The following RGPD8 variants were observed in gnomAD, a reference collection of about 807,000 sequenced individuals.
The protein encoded by RGPD8 is RANBP2 like and GRIP domain containing 8, also known as RANBP2-like and GRIP domain-containing protein 8.
RGPD8 carries 15 observed loss-of-function variants against 89.1 expected under a neutral mutation model. The ratio of observed to expected loss-of-function variants is 0.17; its 90% CI spans 0.11 to 0.26. RGPD8 has a LOEUF of 0.26. Among genes scored for constraint, RGPD8 ranks in the 10% least tolerant of loss-of-function variants. RGPD8 has a pLI of 1.00. For synonymous variants in RGPD8, 62 were observed against 420.9 expected (o/e 0.15, Z 10.44); for missense variants, 178 against 1,179.6 (o/e 0.15, Z 12.44).
At chr2:112,408,856 G>C in intron 7 of RGPD8, among the ~76,000 whole-genome samples, 1 of 151,958 alleles carries the variant, frequency 6.6e-6, no homozygotes, top group Non-Finnish European at 1.5e-5. Context: ...ATTTTTAGTA[G>C]AGATGGGGTT....
chr2:112,408,353 T>C (rs1679014714), intron 7 of RGPD8, among the ~76,000 whole-genome samples: 1 of 53,160 alleles, frequency 1.9e-5, no homozygotes, highest in African/African-American at 7.3e-5. Flanking sequence ...ACCATGTATA[T>C]ATAATTCTTT....
intron 1 of RGPD8, among the ~76,000 whole-genome samples, chr2:112,428,370 G>A (rs543873451): frequency 4.0e-5 from 6 of 150,182 alleles, no homozygotes; most frequent in African/African-American, 1.5e-4. Flanking sequence ...CTTGAACCTG[G>A]GAGGCGGAGG....
intron 1 of RGPD8, among the ~76,000 whole-genome samples, chr2:112,429,567 G>A (rs1052879106): frequency 6.6e-6 from 1 of 152,002 alleles, no homozygotes; most frequent in African/African-American, 2.4e-5. Flanking sequence ...TGTCAAAGGT[G>A]CCTGCCTGTA....
intron 2 of RGPD8, 137 bp downstream of exon 2, chr2:112,424,103 G>C (rs1679657398): frequency 8.6e-7 from 1 of 1,161,236 alleles, no homozygotes; most frequent in Non-Finnish European, 1.2e-6. Context: ...CTTAGCATCA[G>C]TCTGAGTGAT....
At position 112,389,029 on chromosome 2, in the gene RGPD8, CAGG is replaced by C. The variant is rs1678569646; in HGVS notation, c.3913_3915del (p.Pro1305del). On this transcript the variant is annotated inframe_deletion, in exon 20 of 23. Coordinates refer to ENST00000302558, the MANE Select transcript of RGPD8 (RefSeq NM_001164463.1). ...GAAGTCCCACTCTGATTCAACTTGG[CAGG>C]AGACTTAGATAGACTCAAAGCAGAT... 1 of 955,352 alleles carries C rather than the reference CAGG, an allele frequency of 1.0e-6. No homozygotes were observed. Among genetic ancestry groups the C allele is most frequent in the African/African-American group, 2.8e-5 (1 of 35,372 alleles). The allele number at this position is 955,352 out of a possible 1,614,324, so 59.2% of individuals were successfully genotyped here. A position where few individuals can be genotyped will look rare whatever the true frequency, so the allele number is the denominator to read the frequency against.
At chr2:112,413,121 CTTTT>C (rs780878782) in intron 6 of RGPD8, among the ~76,000 whole-genome samples, 2 of 125,970 alleles carry the variant, frequency 1.6e-5, no homozygotes, top group Non-Finnish European at 3.3e-5. Context: ...AATAAATTGT[CTTTT>C]TTTTTTTTTT....
chr2:112,430,654 T>C (rs1254700404), intron 1 of RGPD8, among the ~76,000 whole-genome samples: 1 of 152,048 alleles, frequency 6.6e-6, no homozygotes, highest in African/African-American at 2.4e-5. Flanking sequence ...CTTTTTTTTT[T>C]TTTTAAGCTT....
At chr2:112,382,748 GA>G (rs1678364642) in intron 20 of RGPD8, among the ~76,000 whole-genome samples, 1 of 139,848 alleles carries the variant, frequency 7.2e-6, no homozygotes, top group African/African-American at 2.6e-5. Context: ...AAGAGTAGAG[GA>G]ATTAAGTAAC....
At chr2:112,370,359 G>GGGGGTGTTTT (rs1249646916) in intron 22 of RGPD8, 147 bp from the exon 23 acceptor site, 1 of 100,748 alleles carries the variant, frequency 9.9e-6, no homozygotes, top group African/African-American at 7.1e-5. Context: ...GGGGGGGGGG[G>GGGGGTGTTTT]TTCTTTTTTT....
chr2:112,427,975 T>TAA (rs1382839460), intron 1 of RGPD8, among the ~76,000 whole-genome samples: 278 of 148,390 alleles, frequency 1.9e-3, no homozygotes, highest in African/African-American at 6.9e-3. Flanking sequence ...TAAACATCAT[T>TAA]AAAAAAAAGG....
intron 21 of RGPD8, among the ~76,000 whole-genome samples, chr2:112,379,957 G>GT (rs1366826327): frequency 3.3e-5 from 5 of 152,040 alleles, no homozygotes; most frequent in Non-Finnish European, 7.4e-5. Flanking sequence ...ATTAAATAAT[G>GT]TATGTAAAGC....
At chr2:112,377,382 G>A (rs1678153297) in intron 22 of RGPD8, among the ~76,000 whole-genome samples, 1 of 108,894 alleles carries the variant, frequency 9.2e-6, no homozygotes, top group Non-Finnish European at 2.0e-5. Context: ...GAGTTCAAGC[G>A]ACTCTGCTGC....
At chr2:112,423,587 C>G (rs1371073006) in intron 2 of RGPD8, among the ~76,000 whole-genome samples, 1 of 134,974 alleles carries the variant, frequency 7.4e-6, no homozygotes, top group Non-Finnish European at 1.6e-5. Flanking sequence ...ATCTGTATCC[C>G]CAGCTACTTG....
At chr2:112,430,661 G>A (rs1417743333) in intron 1 of RGPD8, among the ~76,000 whole-genome samples, 1 of 148,208 alleles carries the variant, frequency 6.7e-6, no homozygotes, top group South Asian at 2.2e-4. Flanking sequence ...TTTTTTTTAA[G>A]CTTGTTTAAA....
At chr2:112,431,180 C>G (rs1680016527) in intron 1 of RGPD8, among the ~76,000 whole-genome samples, 1 of 152,164 alleles carries the variant, frequency 6.6e-6, no homozygotes, top group Non-Finnish European at 1.5e-5. Context: ...ATCGCTTGAG[C>G]TGGGGAGGCG....
At chr2:112,424,219 C>T (rs1415251898) in intron 2 of RGPD8, 21 bp downstream of exon 2, 1 of 1,583,390 alleles carries the variant, frequency 6.3e-7, no homozygotes. Flanking sequence ...AAAAAGAATA[C>T]ATGTTACGGT....
intron 1 of RGPD8, among the ~76,000 whole-genome samples, chr2:112,427,308 C>T (rs1455759055): frequency 1.3e-5 from 2 of 152,050 alleles, no homozygotes; most frequent in African/African-American, 2.4e-5. Flanking sequence ...TGATCTTTTG[C>T]CTCTAACCTG....
intron 6 of RGPD8, among the ~76,000 whole-genome samples, chr2:112,415,251 G>A (rs1203183302): frequency 1.6e-3 from 245 of 151,500 alleles, no homozygotes; most frequent in African/African-American, 5.8e-3. Flanking sequence ...CGAGCGTGGT[G>A]GTGGGCGCCT....
Position 112,388,792 on chromosome 2 carries a change from GT to G in RGPD8, c.4152del (p.Leu1384PhefsTer11). ...CGAACTTGCTTATTATCATAATTCT[GT>G]AAAATCTTTATATCACCAATGCCCC... The part of the protein sequence containing the change: ...KERGIGDIKI[L>X]QNYDNKQVRI... On this transcript the variant is annotated frameshift_variant, in exon 20 of 23. Coordinates refer to ENST00000302558, the MANE Select transcript of RGPD8 (RefSeq NM_001164463.1). LOFTEE classifies it high-confidence loss of function. 2.0e-6 allele frequency: 1 copy of G among 502,992 alleles called. No individual in the cohort carries two copies. The highest frequency in any genetic ancestry group is 2.2e-5 in the South Asian group (1 of 46,018). 31.2% of individuals were successfully genotyped at this position (502,992 alleles called of 1,614,324 possible). A position where few individuals can be genotyped will look rare whatever the true frequency, so the allele number is the denominator to read the frequency against.
Sources: allele counts gnomAD v4.1 joint callset (sites outside exome capture counted in the v4.1 genomes callset), GRCh38; gene constraint gnomAD v4.1.1; transcripts MANE v1.5; gene names NCBI Gene and HGNC (gene_info 2026-07-23, HGNC 2026-07-21).